The following SOX5 variants were observed in gnomAD, a reference collection of about 807,000 sequenced individuals.
SOX5 encodes the protein SRY-box transcription factor 5.
A neutral mutation model predicts 92.0 loss-of-function variants in SOX5; 9 were observed. That is an observed-to-expected ratio of 0.10 (90% CI 0.06 to 0.17). The LOEUF (loss-of-function observed/expected upper bound fraction) is 0.17, where lower values mean the gene tolerates loss of function less well. Among genes scored for constraint, SOX5 ranks in the 10% least tolerant of loss-of-function variants. The pLI is 1.00. For missense variants in SOX5, 642 were observed against 944.5 expected (o/e 0.68, Z 4.20); for synonymous variants, 344 against 336.3 (o/e 1.02, Z -0.25).
chr12:24,206,613 T>C (rs1012567014), intron 4 of SOX5, among the ~76,000 whole-genome samples: 1 of 151,748 alleles, frequency 6.6e-6, no homozygotes, highest in African/African-American at 2.4e-5. Context: ...TATCAGCAGA[T>C]CCACTGGTGT....
intron 2 of SOX5, among the ~76,000 whole-genome samples, chr12:24,316,897 G>T (rs537485675): frequency 3.0e-4 from 45 of 152,182 alleles, no homozygotes; most frequent in African/African-American, 1.0e-3. Flanking sequence ...TGGTCCTGAA[G>T]CAGGATTGAA....
chr12:24,397,728 GA>G (rs999744763), intron 1 of SOX5, among the ~76,000 whole-genome samples: 4 of 151,040 alleles, frequency 2.6e-5, no homozygotes, highest in Non-Finnish European at 4.4e-5. Context: ...CACAAATCCA[GA>G]AAAAAAATAG....
intron 4 of SOX5, among the ~76,000 whole-genome samples, chr12:24,021,300 C>G (rs1223619114): frequency 6.6e-6 from 1 of 152,112 alleles, no homozygotes; most frequent in Admixed American, 6.6e-5. Context: ...CAATGACAAC[C>G]ACCCACCCCT....
chr12:24,006,538 C>A (rs1014701041), intron 4 of SOX5, among the ~76,000 whole-genome samples: 3 of 152,162 alleles, frequency 2.0e-5, no homozygotes, highest in Middle Eastern at 3.4e-3. Flanking sequence ...TGGATGTTTA[C>A]AGAGATCACA....
At chr12:24,375,260 AC>A (rs751991728) in intron 1 of SOX5, among the ~76,000 whole-genome samples, 2 of 151,878 alleles carry the variant, frequency 1.3e-5, no homozygotes, top group Non-Finnish European at 2.9e-5. Flanking sequence ...GGCGTGAGCC[AC>A]CGTGCCCTGC....
At chr12:24,152,681 G>GA (rs149799359) in intron 4 of SOX5, among the ~76,000 whole-genome samples, 45 of 149,884 alleles carry the variant, frequency 3.0e-4, no homozygotes, top group African/African-American at 5.1e-4. Flanking sequence ...TTCTGTTTTT[G>GA]AAAAAAAAAT....
intron 6 of SOX5, among the ~76,000 whole-genome samples, chr12:23,683,342 C>T (rs1016320645): frequency 5.3e-5 from 8 of 151,806 alleles, no homozygotes; most frequent in African/African-American, 1.9e-4. Context: ...AAATGGAATG[C>T]ATCAGAATTT....
chr12:23,640,152 T>C (rs1167280965), intron 8 of SOX5, among the ~76,000 whole-genome samples: 1 of 152,230 alleles, frequency 6.6e-6, no homozygotes, highest in Non-Finnish European at 1.5e-5. Context: ...CAAAGCTACC[T>C]GTTACTATAA....
At chr12:24,361,207 T>C (rs1052930599) in intron 2 of SOX5, among the ~76,000 whole-genome samples, 2 of 152,162 alleles carry the variant, frequency 1.3e-5, no homozygotes, top group African/African-American at 4.8e-5. Flanking sequence ...ACATGACCAT[T>C]ACAACAACAA....
chr12:23,662,719 T>C (rs1250611508), intron 7 of SOX5, among the ~76,000 whole-genome samples: 1 of 152,230 alleles, frequency 6.6e-6, no homozygotes, highest in Non-Finnish European at 1.5e-5. Flanking sequence ...GTTGAGTACA[T>C]TTAAAGTCTC....
At chr12:24,124,436 G>A (rs546617915) in intron 4 of SOX5, among the ~76,000 whole-genome samples, 4 of 152,134 alleles carry the variant, frequency 2.6e-5, no homozygotes, top group African/African-American at 7.2e-5. Flanking sequence ...CAAATGCTTG[G>A]GACACTTCAG....
intron 3 of SOX5, among the ~76,000 whole-genome samples, chr12:23,811,288 C>G (rs1039637318): frequency 6.6e-6 from 1 of 152,080 alleles, no homozygotes; most frequent in Non-Finnish European, 1.5e-5. Context: ...AGATTGAAAA[C>G]CATACCATTA....
chr12:24,244,280 G>A (rs192196301), intron 3 of SOX5, among the ~76,000 whole-genome samples: 40 of 152,316 alleles, frequency 2.6e-4, no homozygotes, highest in African/African-American at 9.6e-4. Flanking sequence ...TTTCCTTTGA[G>A]TTGAACTAAC....
chr12:23,559,566 G>C (rs950326035), intron 11 of SOX5, among the ~76,000 whole-genome samples: 2 of 152,204 alleles, frequency 1.3e-5, no homozygotes, highest in Non-Finnish European at 2.9e-5. Context: ...ACATATCACT[G>C]AGAAATCATC....
intron 9 of SOX5, among the ~76,000 whole-genome samples, chr12:23,593,364 G>T (rs560387096): frequency 6.6e-6 from 1 of 152,032 alleles, no homozygotes; most frequent in Non-Finnish European, 1.5e-5. Flanking sequence ...AGAATGACTG[G>T]GTTCTTCAGC....
intron 1 of SOX5, among the ~76,000 whole-genome samples, chr12:24,543,055 T>C (rs1384566362): frequency 6.6e-6 from 1 of 152,250 alleles, no homozygotes; most frequent in African/African-American, 2.4e-5. Flanking sequence ...GCACACATGT[T>C]AAATATACTA....
intron 7 of SOX5, among the ~76,000 whole-genome samples, chr12:23,648,123 T>C (rs956040906): frequency 6.6e-6 from 1 of 152,124 alleles, no homozygotes; most frequent in South Asian, 2.1e-4. Context: ...ATACCAAAGA[T>C]CATTGATCAC....
chr12:23,604,597 C>T (rs1266392749), intron 8 of SOX5, 64 bp from the exon 9 acceptor site: 3 of 1,472,688 alleles, frequency 2.0e-6, no homozygotes, highest in African/African-American at 1.4e-5. Flanking sequence ...ACGTACCATT[C>T]AGAAAGTACA....
In SOX5 at chr12:23,682,918, C is replaced by T. The variant is rs371131474; in HGVS notation, c.811-17354G>A. On this transcript the variant is annotated intron_variant, in intron 6 of 14. Coordinates refer to ENST00000451604, the MANE Select transcript of SOX5 (RefSeq NM_006940.6). Reference sequence around the variant, plus strand: ...ATTTTGATAAAACCAACATCTCTAACGTTTTCAGTTCCCATTTGTCACCTG... The same window carrying T: ...ATTTTGATAAAACCAACATCTCTAATGTTTTCAGTTCCCATTTGTCACCTG... 2.4e-4 allele frequency among the ~76,000 whole-genome samples: 36 copies of T among 151,912 alleles called. No homozygotes were observed. The South Asian group carries it at 4.4e-3, about 18-fold the overall frequency.
Sources: allele counts gnomAD v4.1 joint callset (sites outside exome capture counted in the v4.1 genomes callset), GRCh38; gene constraint gnomAD v4.1.1; transcripts MANE v1.5; gene names NCBI Gene and HGNC (gene_info 2026-07-23, HGNC 2026-07-21).